The following CDH2 variants were observed in gnomAD, a reference collection of about 807,000 sequenced individuals.
The protein encoded by CDH2 is cadherin 2.
A neutral mutation model predicts 92.0 loss-of-function variants in CDH2; 17 were observed. That is an observed-to-expected ratio of 0.18 (90% CI 0.13 to 0.28). The LOEUF (loss-of-function observed/expected upper bound fraction) is 0.28. CDH2 is among the 10% of genes least tolerant of loss of function. CDH2 has a pLI of 1.00. For synonymous variants in CDH2, 419 were observed against 415.9 expected, an observed-to-expected ratio of 1.01 and a Z score of -0.09; for missense variants, 862 against 1,133.1, an observed-to-expected ratio of 0.76 and a Z score of 3.44.
At chr18:28,176,874 C>T (rs2016552709) in intron 1 of CDH2, 89 bp downstream of exon 1, 4 of 709,386 alleles carry the variant, frequency 5.6e-6, no homozygotes, top group Non-Finnish European at 7.1e-6. Context: ...GGTGCGCAGC[C>T]CGGCCCCGCA....
intron 6 of CDH2, among the ~76,000 whole-genome samples, chr18:27,939,110 T>A (rs942224033): frequency 1.3e-5 from 2 of 152,180 alleles, no homozygotes; most frequent in African/African-American, 4.8e-5. Context: ...TGTCTTTTAT[T>A]TCCTGGGCTC....
chr18:27,984,505 G>A (rs959547106), intron 13 of CDH2, among the ~76,000 whole-genome samples: 4 of 152,146 alleles, frequency 2.6e-5, no homozygotes, highest in Admixed American at 6.5e-5. Context: ...TGTATGTGAA[G>A]TACAATCTCT....
rs2013723465 is a variant in CDH2, at chr18:28,032,503, T to C, written c.173-18594A>G. 3.3e-5 allele frequency among the ~76,000 whole-genome samples: 5 copies of C among 152,098 alleles called. No homozygotes were observed. In the South Asian group the frequency reaches 1.0e-3, roughly 32 times the overall value. On this transcript the variant is annotated intron_variant, in intron 2 of 15. Coordinates refer to ENST00000269141, the MANE Select transcript of CDH2 (RefSeq NM_001792.5). ...ATATGTGTGAATTCATCTATGTAAA[T>C]ATAAAAGTGTAGCATACAGTGCTAT...
At chr18:28,090,653 T>G (rs967027061) in intron 2 of CDH2, among the ~76,000 whole-genome samples, 1 of 152,190 alleles carries the variant, frequency 6.6e-6, no homozygotes, top group African/African-American at 2.4e-5. Flanking sequence ...TCCAGCAAAC[T>G]GGTGGCAATG....
At chr18:27,977,077 A>C (rs2143929852) in intron 14 of CDH2, among the ~76,000 whole-genome samples, 1 of 152,318 alleles carries the variant, frequency 6.6e-6, no homozygotes, top group East Asian at 1.9e-4. Context: ...AGGGTAATTA[A>C]ACATGCCTTA....
At chr18:27,989,279 G>A (rs1317110000) in intron 10 of CDH2, among the ~76,000 whole-genome samples, 1 of 152,136 alleles carries the variant, frequency 6.6e-6, no homozygotes, top group African/African-American at 2.4e-5. Context: ...AAAATTTGGA[G>A]TGGGGATTAA....
chr18:28,176,127 T>A (rs935974677), intron 1 of CDH2, among the ~76,000 whole-genome samples: 2 of 152,130 alleles, frequency 1.3e-5, no homozygotes, highest in African/African-American at 4.8e-5. Flanking sequence ...TAGTAGAGAT[T>A]AAATGAAAAG....
intron 1 of CDH2, among the ~76,000 whole-genome samples, chr18:28,159,709 T>G (rs932193795): frequency 3.3e-5 from 5 of 149,750 alleles, no homozygotes; most frequent in Admixed American, 2.7e-4. Context: ...CAGGCTGGAG[T>G]GCAGTGGCGT....
chr18:28,052,922 T>A (rs928449558), intron 2 of CDH2, among the ~76,000 whole-genome samples: 1 of 152,134 alleles, frequency 6.6e-6, no homozygotes, highest in Admixed American at 6.6e-5. Context: ...TGGAGATAAG[T>A]CATTTAAAGA....
intron 4 of CDH2, 94 bp downstream of exon 4, chr18:28,011,752 T>C (rs1228213266): frequency 8.3e-7 from 1 of 1,209,376 alleles, no homozygotes; most frequent in Non-Finnish European, 1.2e-6. Flanking sequence ...TATATACATG[T>C]CATAAATTCT....
chr18:27,964,691 C>G (rs904634457), intron 14 of CDH2, among the ~76,000 whole-genome samples: 1 of 152,182 alleles, frequency 6.6e-6, no homozygotes, highest in Admixed American at 6.5e-5. Flanking sequence ...ATTTGATCCT[C>G]TTAGTACATG....
intron 14 of CDH2, among the ~76,000 whole-genome samples, chr18:27,976,242 G>T (rs2143927717): frequency 6.6e-6 from 1 of 152,210 alleles, no homozygotes; most frequent in Middle Eastern, 3.4e-3. Flanking sequence ...CTTGAGGCTG[G>T]CATTGCTCCT....
At position 28,009,678 on chromosome 18, in the gene CDH2, C is replaced by G. The variant is rs201641355; in HGVS notation, c.702+39G>C. 6 of 1,596,400 alleles carry G rather than the reference C, an allele frequency of 3.8e-6. No homozygotes were observed. In the South Asian group the frequency reaches 6.8e-5, roughly 18 times the overall value. ...TGGTAAACTCTGCAGACATTTAGAA[C>G]TGTTAATACACAGAATTATCAGCTG... On this transcript the variant is annotated intron_variant, in intron 5 of 15. Coordinates refer to ENST00000269141, the MANE Select transcript of CDH2 (RefSeq NM_001792.5).
chr18:27,957,473 A>C (rs917875396), intron 15 of CDH2, among the ~76,000 whole-genome samples: 1 of 151,746 alleles, frequency 6.6e-6, no homozygotes, highest in African/African-American at 2.4e-5. Context: ...GTCGGTCTCA[A>C]ACTCCTAGGC....
chr18:28,150,078 G>C (rs940699812), intron 1 of CDH2, among the ~76,000 whole-genome samples: 2 of 152,100 alleles, frequency 1.3e-5, no homozygotes, highest in Non-Finnish European at 1.5e-5. Context: ...ACGAACACAG[G>C]GAACTCCCCA....
chr18:28,085,958 A>C (rs2014919111), intron 2 of CDH2, among the ~76,000 whole-genome samples: 1 of 152,216 alleles, frequency 6.6e-6, no homozygotes, highest in Admixed American at 6.5e-5. Context: ...ATCTTCTCTA[A>C]AGGAGAATAA....
intron 14 of CDH2, among the ~76,000 whole-genome samples, chr18:27,968,420 G>C (rs1305127135): frequency 6.6e-6 from 1 of 151,980 alleles, no homozygotes; most frequent in African/African-American, 2.4e-5. Flanking sequence ...AAGTGCTGGA[G>C]GGGGGAGTTT....
chr18:28,103,051 C>T lies in CDH2; in HGVS notation c.172+44622G>A, dbSNP rs374669445. Among the ~76,000 whole-genome samples the T allele has an allele frequency of 2.6e-5, 4 of 151,060 alleles. No homozygotes were observed. The East Asian group carries it at 5.9e-4, about 22-fold the overall frequency. On this transcript the variant is annotated intron_variant, in intron 2 of 15. Coordinates refer to ENST00000269141, the MANE Select transcript of CDH2 (RefSeq NM_001792.5). ...TTCACTAGTTACTTAACACTAGGTACTCAGAGTAGGCTGATACTCAGTAAA... is the reference window on the plus strand; with the variant it reads ...TTCACTAGTTACTTAACACTAGGTATTCAGAGTAGGCTGATACTCAGTAAA...
At chr18:28,137,612 CTG>C (rs1035689053) in intron 2 of CDH2, among the ~76,000 whole-genome samples, 5 of 151,742 alleles carry the variant, frequency 3.3e-5, no homozygotes, top group South Asian at 2.1e-4. Context: ...AAACAAAAAA[CTG>C]TGCTCAAATG....
Sources: allele counts gnomAD v4.1 joint callset (sites outside exome capture counted in the v4.1 genomes callset), GRCh38; gene constraint gnomAD v4.1.1; transcripts MANE v1.5; gene names NCBI Gene and HGNC (gene_info 2026-07-23, HGNC 2026-07-21).